The following UNC79 variants were observed in gnomAD, a reference collection of about 807,000 sequenced individuals.
The protein encoded by UNC79 is protein unc-79 homolog.
Under a neutral mutation model 283.1 loss-of-function variants are expected in UNC79, and 37 were observed. The ratio of observed to expected loss-of-function variants is 0.13; its 90% CI spans 0.10 to 0.17. The LOEUF (loss-of-function observed/expected upper bound fraction) is 0.17, where lower values mean the gene tolerates loss of function less well. UNC79 is among the 10% of genes least tolerant of loss of function. UNC79 has a pLI of 1.00. For synonymous variants in UNC79, 1,107 were observed against 1,200.2 expected (o/e 0.92, Z 1.61); for missense variants, 2,272 against 3,211.1 (o/e 0.71, Z 7.07).
chr14:93,616,749 A>G (rs2066757720), intron 27 of UNC79, among the ~76,000 whole-genome samples: 2 of 152,162 alleles, frequency 1.3e-5, no homozygotes, highest in Admixed American at 6.5e-5. Context: ...TACTTGGTTC[A>G]GATTGAACCA....
rs1400581332 is a variant in UNC79 at position 93,474,112 on chromosome 14, A to G, written c.167A>G (p.Lys56Arg). 6.5e-7 allele frequency: 1 copy of G among 1,535,804 alleles called. No homozygotes were observed. The highest frequency in any genetic ancestry group is 8.7e-7 in the Non-Finnish European group (1 of 1,146,766). The change falls in exon 3 of 49, where the codon AAG becomes AGG. Residue 56 changes from lysine (K) to arginine (R), a missense_variant. By Grantham distance (26) the Lys-to-Arg change is conservative. This residue lies in a region of UNC79 where 194 missense variants were observed against 268.9 expected (regional missense o/e 0.72). Coordinates refer to ENST00000555664, the Ensembl canonical transcript of UNC79. This position sits in a 1 kb window ranked among gnomAD's most constrained non-coding sequence, Gnocchi z 4.1. ...AGCATTTTGTCCCGCACAGGGAAGA[A>G]GGAAAACCAAGATGCCTCCAATTTG... is the stretch of plus-strand genomic sequence containing the variant.
intron 1 of UNC79, among the ~76,000 whole-genome samples, chr14:93,464,328 C>G (rs2057074114): frequency 6.6e-6 from 1 of 152,196 alleles, no homozygotes. Context: ...CCTGAGGCCT[C>G]TCTCCTTGAC....
At chr14:93,368,576 G>C (rs2054379645) in intron 1 of UNC79, among the ~76,000 whole-genome samples, 1 of 152,074 alleles carries the variant, frequency 6.6e-6, no homozygotes, top group African/African-American at 2.4e-5. Flanking sequence ...GTTCAAGCAA[G>C]TCTCATGCCT....
intron 1 of UNC79, among the ~76,000 whole-genome samples, chr14:93,337,514 C>T (rs759531687): frequency 2.6e-5 from 4 of 152,192 alleles, no homozygotes; most frequent in Non-Finnish European, 4.4e-5. Flanking sequence ...CCTGGGGATT[C>T]CCCAACCCAG....
chr14:93,684,983 C>G (rs1373828764), intron 42 of UNC79, among the ~76,000 whole-genome samples: 1 of 152,130 alleles, frequency 6.6e-6, no homozygotes, highest in African/African-American at 2.4e-5. Flanking sequence ...TATTCTTAAG[C>G]TTTGCAAAGT....
chr14:93,477,668 C>G (rs746710797), exon 4 of UNC79: 1 of 1,613,502 alleles, frequency 6.2e-7, no homozygotes, highest in East Asian at 2.2e-5. Context: ...TACCTTTCCT[C>G]CATTTCTGCA....
intron 41 of UNC79, among the ~76,000 whole-genome samples, chr14:93,674,406 A>G (rs1320196484): frequency 2.6e-5 from 4 of 152,132 alleles, no homozygotes; most frequent in Non-Finnish European, 1.5e-5. Flanking sequence ...AAAAAGTAGA[A>G]TGGCTGTGCC....
At chr14:93,582,564 C>T (rs79001029) in intron 20 of UNC79, among the ~76,000 whole-genome samples, 1,693 of 152,214 alleles carry the variant, frequency 0.011, 36 homozygotes, top group African/African-American at 0.037. Flanking sequence ...CAGCGGGCAC[C>T]GGTTTTCAAT....
chr14:93,514,304 T>C (rs999820396), intron 7 of UNC79, among the ~76,000 whole-genome samples: 4 of 152,224 alleles, frequency 2.6e-5, no homozygotes, highest in African/African-American at 9.6e-5. Context: ...AGGATTACTA[T>C]GAACAACCCT....
At chr14:93,585,342 T>C (rs1434110032) in intron 20 of UNC79, among the ~76,000 whole-genome samples, 1 of 152,222 alleles carries the variant, frequency 6.6e-6, no homozygotes, top group Non-Finnish European at 1.5e-5. Flanking sequence ...GTCCTAGAAT[T>C]CAGGGGTGCT....
intron 40 of UNC79, among the ~76,000 whole-genome samples, chr14:93,668,852 A>C (rs2072505933): frequency 2.0e-5 from 3 of 150,574 alleles, no homozygotes; most frequent in African/African-American, 7.3e-5. Context: ...TCCTTCACAA[A>C]AAAAAAAAAA....
intron 41 of UNC79, among the ~76,000 whole-genome samples, chr14:93,674,878 T>A (rs991874554): frequency 2.0e-5 from 3 of 152,304 alleles, no homozygotes; most frequent in African/African-American, 4.8e-5. Flanking sequence ...GATTTCAGTG[T>A]GTTAGGGCTC....
chr14:93,355,086 A>G (rs1325576656), intron 1 of UNC79, among the ~76,000 whole-genome samples: 2 of 151,050 alleles, frequency 1.3e-5, no homozygotes, highest in African/African-American at 2.4e-5. Context: ...TGGGAGTGCA[A>G]TGACGTCATC....
At chr14:93,366,978 A>T (rs895671194) in intron 1 of UNC79, among the ~76,000 whole-genome samples, 3 of 152,234 alleles carry the variant, frequency 2.0e-5, no homozygotes, top group African/African-American at 7.2e-5. Context: ...TAGAAAAAGC[A>T]GTTGATTCCC....
At chr14:93,622,822 G>A in exon 30 of UNC79, 2 of 1,613,546 alleles carry the variant, frequency 1.2e-6, no homozygotes, top group Non-Finnish European at 1.7e-6. Flanking sequence ...TGGACAAACT[G>A]GGAGAACAGA....
Position 93,411,089 on chromosome 14 carries a change from G to C in UNC79, c.-350-56582G>C, listed in dbSNP as rs542756268. 5.3e-5 allele frequency among the ~76,000 whole-genome samples: 8 copies of C among 152,116 alleles called. No individual in the cohort carries two copies. The South Asian group carries it at 1.0e-3, about 20-fold the overall frequency. On this transcript the variant is annotated intron_variant, in intron 1 of 49. Transcript: ENST00000256339. The stretch of plus-strand genomic sequence containing the variant: ...CAGAGGGGAGCGCATTGCCCCGAAG[G>C]GTGAGTCCCAGGCTAGGCAGCATTC...
chr14:93,625,581 C>T (rs994307938), intron 30 of UNC79, among the ~76,000 whole-genome samples: 3 of 152,140 alleles, frequency 2.0e-5, no homozygotes, highest in Admixed American at 2.0e-4. Flanking sequence ...ATAACTGCAA[C>T]CTCTTCATGA....
chr14:93,565,361 G>A (rs1051917521), intron 14 of UNC79, among the ~76,000 whole-genome samples: 9 of 152,204 alleles, frequency 5.9e-5, no homozygotes, highest in African/African-American at 2.2e-4. Context: ...CTATGACCCA[G>A]GGGGTTAAGC....
intron 1 of UNC79, among the ~76,000 whole-genome samples, chr14:93,462,418 T>C (rs112169171): frequency 7.9e-4 from 121 of 152,380 alleles, no homozygotes; most frequent in African/African-American, 2.8e-3. Flanking sequence ...TTTGGGATTT[T>C]GTCCTGAAGA....
Sources: gnomAD v4.1 joint callset for allele counts (sites outside exome capture counted in the v4.1 genomes callset) on GRCh38, gnomAD v4.1.1 for gene constraint, gnomAD v4.1.1 regional missense constraint, Gnocchi (gnomAD v3.1) non-coding constraint, MANE v1.5 for transcripts, NCBI Gene and HGNC (gene_info 2026-07-23, HGNC 2026-07-21) for gene names.